Variants in KAT6B observed in about 807,000 individuals in gnomAD.
The protein encoded by KAT6B is histone acetyltransferase KAT6B.
A neutral mutation model predicts 187.5 loss-of-function variants in KAT6B; 10 were observed. That is an observed-to-expected ratio of 0.05 (90% CI 0.03 to 0.09). The LOEUF (loss-of-function observed/expected upper bound fraction) is 0.09. KAT6B is among the 10% of genes least tolerant of loss of function. The pLI is 1.00. For missense variants in KAT6B, 1,952 were observed against 2,558.9 expected (o/e 0.76, Z 5.12); for synonymous variants, 861 against 926.8 (o/e 0.93, Z 1.29).
chr10:74,958,716 A>T (rs1840862106), intron 3 of KAT6B, among the ~76,000 whole-genome samples: 1 of 152,182 alleles, frequency 6.6e-6, no homozygotes, highest in Admixed American at 6.5e-5. Context: ...CTAGGGGACT[A>T]GACAAATGTT....
At chr10:74,981,672 C>G (rs982192028) in intron 10 of KAT6B, 115 bp from the exon 11 acceptor site, 51 of 799,510 alleles carry the variant, frequency 6.4e-5, no homozygotes, top group Middle Eastern at 3.8e-4. Flanking sequence ...CTGCACCCAG[C>G]CTCCAATGTT....
intron 10 of KAT6B, 36 bp from the exon 11 acceptor site, chr10:74,981,751 T>C (rs1470507241): frequency 7.2e-7 from 1 of 1,382,390 alleles, no homozygotes; most frequent in African/African-American, 1.4e-5. Flanking sequence ...CAGTATAATC[T>C]ATCTGATAGA....
intron 3 of KAT6B, among the ~76,000 whole-genome samples, chr10:74,860,035 AGTT>A (rs1280958809): frequency 2.0e-5 from 3 of 152,150 alleles, no homozygotes; most frequent in African/African-American, 2.4e-5. Flanking sequence ...ACACTTTTTC[AGTT>A]GTTTTTTATT....
intron 10 of KAT6B, 124 bp from the exon 11 acceptor site, chr10:74,981,663 T>C: frequency 1.3e-6 from 1 of 752,426 alleles, no homozygotes; most frequent in Non-Finnish European, 2.3e-6. Flanking sequence ...TGTGAGCCAC[T>C]GCACCCAGCC....
At chr10:75,028,361 A>G (rs905823522) in intron 17 of KAT6B, 128 bp from the exon 18 acceptor site, 4 of 1,378,614 alleles carry the variant, frequency 2.9e-6, no homozygotes, top group East Asian at 4.6e-5. Flanking sequence ...TGTCTTTACC[A>G]TCAACTTTTA....
rs11001243 is a variant in KAT6B, at chr10:75,010,734, T to C, written c.2630-9848T>C. ...CCCCTCTCCCACCCTCCACCATCGG[T>C]CTGTGGGGTTGGACCAGACCAGATG... On this transcript the variant is annotated intron_variant, in intron 13 of 17. Coordinates refer to ENST00000287239, the MANE Select transcript of KAT6B (RefSeq NM_012330.4). 1.8e-4 allele frequency among the ~76,000 whole-genome samples: 27 copies of C among 152,116 alleles called. 2 individuals are homozygous for C. Among genetic ancestry groups the C allele is most frequent in the Non-Finnish European group, 2.9e-5 (2 of 68,016 alleles).
intron 3 of KAT6B, among the ~76,000 whole-genome samples, chr10:74,845,387 T>TG (rs1288795337): frequency 6.6e-6 from 1 of 151,454 alleles, no homozygotes; most frequent in East Asian, 1.9e-4. Flanking sequence ...GCAGGCGTGG[T>TG]GGGGGGCACC....
upstream of KAT6B, chr10:74,825,496 C>CGAGGAGGAGGAGGCGGAG (rs1554909989): frequency 6.6e-6 from 1 of 152,340 alleles, no homozygotes; most frequent in African/African-American, 2.5e-5. This position sits in a 1 kb window ranked among gnomAD's most constrained non-coding sequence, Gnocchi z 5.0. Context: ...AGCCCGGAGC[C>CGAGGAGGAGGAGGCGGAG]GAGGAGGAGG....
chr10:74,862,869 C>T (rs534642111), intron 3 of KAT6B, among the ~76,000 whole-genome samples: 6 of 152,144 alleles, frequency 3.9e-5, no homozygotes, highest in East Asian at 1.9e-4. Flanking sequence ...AGTGGAGGGA[C>T]GGCAGCCCCC....
intron 3 of KAT6B, among the ~76,000 whole-genome samples, chr10:74,876,529 A>T (rs1410294860): frequency 1.3e-5 from 2 of 152,186 alleles, no homozygotes; most frequent in Admixed American, 6.5e-5. Flanking sequence ...TTATTCCAGG[A>T]CAAAATTAAG....
At chr10:74,871,703 A>T (rs569904064) in intron 3 of KAT6B, among the ~76,000 whole-genome samples, 1 of 152,162 alleles carries the variant, frequency 6.6e-6, no homozygotes, top group Non-Finnish European at 1.5e-5. Flanking sequence ...CACTCACTCT[A>T]AGGGGAGCAT....
intron 3 of KAT6B, among the ~76,000 whole-genome samples, chr10:74,929,277 C>T (rs1848704559): frequency 6.6e-6 from 1 of 152,014 alleles, no homozygotes; most frequent in African/African-American, 2.4e-5. Flanking sequence ...ATGTGCCTGC[C>T]AAAAAAATCC....
At chr10:75,022,659 A>G (rs1845528196) in intron 16 of KAT6B, among the ~76,000 whole-genome samples, 1 of 152,230 alleles carries the variant, frequency 6.6e-6, no homozygotes, top group African/African-American at 2.4e-5. Context: ...GGTTGGGCGC[A>G]GTGGCTCACG....
rs758932743 is a variant in KAT6B, at chr10:74,972,524, G to C, written c.946G>C (p.Val316Leu). 2 of 1,604,116 alleles carry C rather than the reference G, an allele frequency of 1.2e-6. No homozygotes were observed. Among genetic ancestry groups the C allele is most frequent in the South Asian group, 1.1e-5 (1 of 90,180 alleles). ...RMPKGMWICQ[V>L]CRPKKKGRKL... ...TAATTCAGGGATGTGGATTTGCCAA[G>C]TCTGCAGACCAAAGAAAAAGGGAAG... Residue 316 changes from valine (V) to leucine (L), a missense_variant, in exon 7 of 18, where the codon GTC (valine) becomes CTC (leucine). Val to Leu is a conservative substitution (Grantham distance 32). Around this residue, in one of 9 missense-constraint regions of KAT6B, gnomAD observed 417 missense variants for 508.9 expected, o/e 0.82. Coordinates refer to ENST00000287239, the MANE Select transcript of KAT6B (RefSeq NM_012330.4).
intron 4 of KAT6B, among the ~76,000 whole-genome samples, chr10:74,964,095 C>T (rs1841295383): frequency 6.6e-6 from 1 of 152,170 alleles, no homozygotes; most frequent in South Asian, 2.1e-4. Flanking sequence ...TGCACCACTG[C>T]ACTCCAGCCT....
chr10:75,029,679 G>A lies in KAT6B; in HGVS notation c.4855G>A (p.Val1619Ile), dbSNP rs1366652765. The part of the protein sequence containing the change: ...QSVRSVNSPS[V>I]PALENSYAQI... ...CGTACGTTCTGTCAACAGCCCAAGT[G>A]TCCCTGCTCTGGAAAACAGCTACGC... Residue 1619 changes from valine (V) to isoleucine (I), a missense_variant, in exon 18 of 18, where the codon GTC becomes ATC. Around this residue, in one of 9 missense-constraint regions of KAT6B, gnomAD observed 87 missense variants for 167.5 expected, o/e 0.52. Transcript: ENST00000287239. This position sits in a 1 kb window ranked among gnomAD's most constrained non-coding sequence, Gnocchi z 6.2. 3 of 1,614,138 alleles carry A rather than the reference G, an allele frequency of 1.9e-6. No individual in the cohort carries two copies. Among genetic ancestry groups the A allele is most frequent in the East Asian group, 2.2e-5 (1 of 44,876 alleles).
intron 3 of KAT6B, among the ~76,000 whole-genome samples, chr10:74,879,068 C>G (rs1269980897): frequency 2.0e-5 from 3 of 152,208 alleles, no homozygotes; most frequent in Non-Finnish European, 4.4e-5. Context: ...ACAACCATCA[C>G]TAGTGGCAGG....
intron 3 of KAT6B, among the ~76,000 whole-genome samples, chr10:74,904,329 G>A (rs144548363): frequency 6.6e-6 from 1 of 152,276 alleles, no homozygotes; most frequent in African/African-American, 2.4e-5. Flanking sequence ...GCAGGGATGT[G>A]GTCTCATAAG....
At chr10:74,853,334 G>A (rs1842607988) in intron 3 of KAT6B, among the ~76,000 whole-genome samples, 1 of 151,334 alleles carries the variant, frequency 6.6e-6, no homozygotes, top group African/African-American at 2.4e-5. Flanking sequence ...TGTTGCCCAG[G>A]CTGGAGTGCA....
Sources: gnomAD v4.1 joint callset for allele counts (sites outside exome capture counted in the v4.1 genomes callset) on GRCh38, gnomAD v4.1.1 for gene constraint, gnomAD v4.1.1 regional missense constraint, Gnocchi (gnomAD v3.1) non-coding constraint, MANE v1.5 for transcripts, NCBI Gene and HGNC (gene_info 2026-07-23, HGNC 2026-07-21) for gene names.